RGS22: variants seen among roughly 807,000 people sequenced by gnomAD.
RGS22 encodes regulator of G protein signaling 22, also known as regulator of G-protein signaling 22.
A neutral mutation model predicts 172.9 loss-of-function variants in RGS22; 148 were observed. The observed-to-expected ratio is 0.86, with a 90% CI of 0.75 to 0.98. The LOEUF is 0.98. RGS22 is among the 50% of genes least tolerant of loss of function. The pLI, the probability that RGS22 is intolerant of heterozygous loss-of-function variation, is 0.00. For missense variants in RGS22, 1,347 were observed against 1,440.8 expected (o/e 0.93, Z 1.05); for synonymous variants, 458 against 480.2 (o/e 0.95, Z 0.60).
chr8:100,002,270 T>C lies in RGS22; in HGVS notation c.2722A>G (p.Asn908Asp), dbSNP rs772150733. Reference protein sequence around the residue: ...QRKAKSIYIKNKYLNKKYFFG... With the variant: ...QRKAKSIYIKDKYLNKKYFFG... ...AAATATTTTTTATTAAGGTATTTGT[T>C]TTTAATGTATATAGATTTTGCCTTC... is the stretch of plus-strand genomic sequence containing the variant. The change falls in exon 18 of 28, where the codon AAC (asparagine) becomes GAC (aspartate). Residue 908 changes from asparagine to aspartate, a missense_variant. Physicochemically the swap from Asn to Asp is conservative, Grantham distance 23. Transcript: ENST00000360863. 2 of 1,611,306 alleles carry C rather than the reference T, an allele frequency of 1.2e-6. No individual in the cohort carries two copies. Among genetic ancestry groups the C allele is most frequent in the East Asian group, 2.2e-5 (1 of 44,750 alleles).
intron 2 of RGS22, among the ~76,000 whole-genome samples, chr8:100,100,976 G>T (rs936252690): frequency 6.6e-6 from 1 of 152,060 alleles, no homozygotes; most frequent in Admixed American, 6.5e-5. Flanking sequence ...CAACAAAATA[G>T]ATCATTACAC....
chr8:99,966,871 C>G (rs1321005021), intron 23 of RGS22, among the ~76,000 whole-genome samples: 1 of 152,180 alleles, frequency 6.6e-6, no homozygotes, highest in Non-Finnish European at 1.5e-5. Context: ...CTATCCCCAG[C>G]CCCTGGCAAC....
At chr8:99,972,832 G>C (rs942481935) in intron 23 of RGS22, among the ~76,000 whole-genome samples, 4 of 152,032 alleles carry the variant, frequency 2.6e-5, no homozygotes, top group African/African-American at 7.2e-5. Context: ...AGGAGATCGA[G>C]ACCGACCAGG....
At chr8:100,051,893 A>C (rs1250604241) in intron 10 of RGS22, among the ~76,000 whole-genome samples, 1 of 55,182 alleles carries the variant, frequency 1.8e-5, no homozygotes, top group African/African-American at 7.4e-5. Context: ...TTATATATAA[A>C]TGTTTATATA....
chr8:100,087,511 G>GA (rs890118301), intron 3 of RGS22, among the ~76,000 whole-genome samples: 3 of 151,812 alleles, frequency 2.0e-5, no homozygotes, highest in East Asian at 1.9e-4. Context: ...AAAGGGGAGA[G>GA]AAAAAAAACC....
At chr8:100,039,687 T>A (rs1281260247) in intron 13 of RGS22, among the ~76,000 whole-genome samples, 1 of 152,090 alleles carries the variant, frequency 6.6e-6, no homozygotes, top group East Asian at 1.9e-4. Context: ...ATACTTTTCA[T>A]TTGAGCAAAA....
intron 2 of RGS22, among the ~76,000 whole-genome samples, chr8:100,101,424 C>CT (rs1813473618): frequency 6.8e-6 from 1 of 148,046 alleles, no homozygotes; most frequent in Non-Finnish European, 1.5e-5. Flanking sequence ...GTTGCTGGGA[C>CT]TACAGGCATG....
chr8:100,105,847 G>C (rs1563740954), intron 1 of RGS22, 50 bp downstream of exon 1: 3 of 1,458,088 alleles, frequency 2.1e-6, no homozygotes, highest in Non-Finnish European at 2.8e-6. Context: ...CGCGTGGTGC[G>C]GCCCCGACGC....
At position 99,961,065 on chromosome 8, in the gene RGS22, T is replaced by C. The variant is rs1810142394; in HGVS notation, c.*177A>G. On this transcript the variant is annotated 3_prime_UTR_variant, in exon 28 of 28. Transcript: ENST00000360863. ...TGCGAGAGTAAGACAAGCCAAATTT[T>C]CTTTATTTATTTCCCACCTGGAAAA... is the stretch of plus-strand genomic sequence containing the variant. The C allele has an allele frequency of 5.3e-6, 2 of 377,900 alleles. No individual in the cohort carries two copies. The highest frequency in any genetic ancestry group is 1.0e-5 in the Non-Finnish European group (2 of 194,262). The allele number at this position is 377,900 out of a possible 1,614,324, so 23.4% of individuals were successfully genotyped here. A position where few individuals can be genotyped will look rare whatever the true frequency, so the allele number is the denominator to read the frequency against.
At chr8:99,975,441 G>A (rs1192354559) in intron 23 of RGS22, among the ~76,000 whole-genome samples, 3 of 151,836 alleles carry the variant, frequency 2.0e-5, no homozygotes, top group African/African-American at 7.3e-5. Flanking sequence ...AATTTCCTGT[G>A]TAGCTGGCTA....
chr8:100,105,065 T>C (rs930937853), intron 2 of RGS22, among the ~76,000 whole-genome samples: 1 of 152,250 alleles, frequency 6.6e-6, no homozygotes, highest in Admixed American at 6.5e-5. Flanking sequence ...CACATCATAA[T>C]ACAGCCATGG....
chr8:100,084,018 T>C (rs932414219), intron 3 of RGS22, among the ~76,000 whole-genome samples: 22 of 151,740 alleles, frequency 1.4e-4, no homozygotes, highest in Non-Finnish European at 2.2e-4. Context: ...TTCTATTTTT[T>C]AGTAGAGACG....
chr8:99,992,510 T>C (rs202234775), intron 20 of RGS22, among the ~76,000 whole-genome samples: 3 of 151,904 alleles, frequency 2.0e-5, no homozygotes, highest in Admixed American at 1.3e-4. Flanking sequence ...AAGATCAAAA[T>C]AGACAAAGAA....
intron 23 of RGS22, among the ~76,000 whole-genome samples, chr8:99,967,699 A>AG (rs1810899154): frequency 6.6e-6 from 1 of 152,246 alleles, no homozygotes; most frequent in Non-Finnish European, 1.5e-5. Context: ...CTCACTGGGC[A>AG]GGGCATCTCT....
At chr8:99,984,672 T>C (rs1812886684) in intron 21 of RGS22, among the ~76,000 whole-genome samples, 1 of 152,164 alleles carries the variant, frequency 6.6e-6, no homozygotes, top group Non-Finnish European at 1.5e-5. Context: ...TCTGATACTA[T>C]ATGCTCTAAC....
intron 14 of RGS22, among the ~76,000 whole-genome samples, chr8:100,032,483 T>G (rs1345409941): frequency 6.6e-6 from 1 of 152,092 alleles, no homozygotes; most frequent in Non-Finnish European, 1.5e-5. Flanking sequence ...TAAATATATA[T>G]GCACCCAATA....
chr8:100,048,310 A>G (rs894511857), intron 10 of RGS22, among the ~76,000 whole-genome samples: 2 of 152,214 alleles, frequency 1.3e-5, no homozygotes, highest in Admixed American at 6.5e-5. Flanking sequence ...AGAAAACAAA[A>G]GTCTAAGTAC....
rs1013324030 is a variant in RGS22, at chr8:100,003,944, A to G, written c.2609T>C (p.Leu870Pro). The part of the protein sequence containing the change: ...KLEFEHFRQF[L>P]ETHSSSMDLM... ...CCCTCACCTTGAAGAATGAGTCTCA[A>G]GAAACTGACGGAAATGTTCAAACTC... The change falls in exon 17 of 28, where the codon CTT (leucine) becomes CCT (proline). Residue 870 changes from leucine (L) to proline (P), a missense_variant. Physicochemically the swap from Leu to Pro is moderately conservative, Grantham distance 98. Transcript: ENST00000360863. 6 of 1,607,034 alleles carry G rather than the reference A, an allele frequency of 3.7e-6. No homozygotes were observed. The African/African-American group carries it at 8.0e-5, about 22-fold the overall frequency.
intron 20 of RGS22, among the ~76,000 whole-genome samples, chr8:99,993,690 A>C (rs747604655): frequency 1.4e-4 from 21 of 152,300 alleles, no homozygotes; most frequent in South Asian, 8.3e-4. Flanking sequence ...AGAGGTACAA[A>C]GAGGAGTTGG....
Sources: allele counts gnomAD v4.1 joint callset (sites outside exome capture counted in the v4.1 genomes callset), GRCh38; gene constraint gnomAD v4.1.1; transcripts MANE v1.5; gene names NCBI Gene and HGNC (gene_info 2026-07-23, HGNC 2026-07-21).